Variants in KIAA0753 observed in about 807,000 individuals in gnomAD.
KIAA0753 encodes KIAA0753.
In KIAA0753, 114 loss-of-function variants were observed where a neutral mutation model predicts 116.9. The ratio of observed to expected loss-of-function variants is 0.98; its 90% CI spans 0.84 to 1.14. The LOEUF (loss-of-function observed/expected upper bound fraction) is 1.14, where lower values mean the gene tolerates loss of function less well. Among genes scored for constraint, KIAA0753 ranks in the 50% most tolerant of loss-of-function variants. The pLI, the probability that KIAA0753 is intolerant of heterozygous loss-of-function variation, is 0.00. For missense variants in KIAA0753, 1,156 were observed against 1,172.4 expected, an observed-to-expected ratio of 0.99 and a Z score of 0.20; for synonymous variants, 405 against 413.1, an observed-to-expected ratio of 0.98 and a Z score of 0.24.
chr17:6,591,318 A>G (rs1969049697), intron 16 of KIAA0753, among the ~76,000 whole-genome samples: 1 of 152,238 alleles, frequency 6.6e-6, no homozygotes. Flanking sequence ...GAGCATCTAT[A>G]TGTCAAGCGA....
rs771455309 is a variant in KIAA0753 at position 6,620,787 on chromosome 17, C to T, written c.1315+1G>A. 2 of 1,613,708 alleles carry T rather than the reference C, an allele frequency of 1.2e-6. No individual in the cohort carries two copies. Among genetic ancestry groups the T allele is most frequent in the Non-Finnish European group, 1.7e-6 (2 of 1,179,618 alleles). Reference sequence around the variant, plus strand: ...TACAATAAACACTTTAAGACACATACCGGCAAGAAGCTGCTTTGCTACAGA... The same window carrying T: ...TACAATAAACACTTTAAGACACATATCGGCAAGAAGCTGCTTTGCTACAGA... On this transcript the variant is annotated splice_donor_variant, in intron 7 of 18. Transcript: ENST00000361413. LOFTEE classifies it high-confidence loss of function.
chr17:6,638,274 C>G (rs1041813764), intron 1 of KIAA0753: 1 of 152,758 alleles, frequency 6.5e-6, no homozygotes, highest in East Asian at 1.9e-4. Context: ...CGGGTCCCCC[C>G]GAAGCCACAG....
At chr17:6,630,626 TACTC>T (rs1351349565) in intron 2 of KIAA0753, among the ~76,000 whole-genome samples, 1 of 152,230 alleles carries the variant, frequency 6.6e-6, no homozygotes, top group Non-Finnish European at 1.5e-5. Flanking sequence ...TGTACAGGGT[TACTC>T]ACTGCTATAT....
chr17:6,625,483 A>G (rs1327787421), intron 3 of KIAA0753, among the ~76,000 whole-genome samples: 3 of 151,940 alleles, frequency 2.0e-5, no homozygotes, highest in Non-Finnish European at 4.4e-5. Context: ...CCCGGCCAAC[A>G]TGGCAAAACC....
chr17:6,639,511 G>T lies in KIAA0753; in HGVS notation c.-69+1126C>A, dbSNP rs184768529. 50 of 152,966 alleles carry T rather than the reference G, an allele frequency of 3.3e-4. 2 individuals carry two copies. Among genetic ancestry groups the T allele is most frequent in the Admixed American group, 1.0e-3 (16 of 15,302 alleles). 9.5% of individuals were successfully genotyped at this position (152,966 alleles called of 1,614,324 possible). On this transcript the variant is annotated intron_variant, in intron 1 of 18. Coordinates refer to ENST00000361413, the MANE Select transcript of KIAA0753 (RefSeq NM_014804.3). This position sits in a 1 kb window ranked among gnomAD's most constrained non-coding sequence, Gnocchi z 4.3. ...GGCCATTTCAGAACTTGACGCCAAA[G>T]CCCCAGGCACACTCGCAGGAGGCAC...
rs55849399 is a variant in KIAA0753 at position 6,624,536 on chromosome 17, CCA to C, written c.825+217_825+218del. 0.041 allele frequency among the ~76,000 whole-genome samples: 5,960 copies of C among 143,662 alleles called. 109 individuals are homozygous for C. The highest frequency in any genetic ancestry group is 0.045 in the African/African-American group (1,761 of 39,220). The allele number at this position is 143,662 out of a possible 152,430, so 94.2% of individuals were successfully genotyped here. ...AAGAACCAGTTTAAGGAGTTTGGCGCCACACACACACACACACACACACACAC... is the reference window on the plus strand; with the variant it reads ...AAGAACCAGTTTAAGGAGTTTGGCGCCACACACACACACACACACACACAC... On this transcript the variant is annotated intron_variant, in intron 4 of 18. Transcript: ENST00000361413.
chr17:6,612,109 C>T lies in KIAA0753; in HGVS notation c.1355G>A (p.Arg452Lys), dbSNP rs1297988976. The change falls in exon 8 of 19, where the codon AGG becomes AAG. Residue 452 changes from arginine to lysine, a missense_variant. Coordinates refer to ENST00000361413, the MANE Select transcript of KIAA0753 (RefSeq NM_014804.3). ...TAATACATCAAGCTCACTCTGCAAC[C>T]TCTGGGTCTCCGGAAGCTCCGTATC... ...QPDTELPETQRLQSELDVLDA... is the reference protein window; with the variant it reads ...QPDTELPETQKLQSELDVLDA... The T allele has an allele frequency of 6.2e-7, 1 of 1,614,118 alleles. No homozygotes were observed. Among genetic ancestry groups the T allele is most frequent in the Non-Finnish European group, 8.5e-7 (1 of 1,179,974 alleles).
At chr17:6,596,099 T>C (rs1294414601) in intron 15 of KIAA0753, 59 bp downstream of exon 15, 55 of 1,520,090 alleles carry the variant, frequency 3.6e-5, no homozygotes, top group Non-Finnish European at 4.4e-5. Flanking sequence ...TGAGGAGAAA[T>C]TGCACTCGGC....
rs1968936313 is a variant in KIAA0753, at chr17:6,590,749, G to C, written c.2441-119C>G. Reference sequence around the variant, plus strand: ...ACATGGACATCTCTTAAGCACGACAGGGTTGGCTAGCAGTGCAATGGGAAA... The same window carrying C: ...ACATGGACATCTCTTAAGCACGACACGGTTGGCTAGCAGTGCAATGGGAAA... On this transcript the variant is annotated intron_variant, in intron 16 of 18. Coordinates refer to ENST00000361413, the MANE Select transcript of KIAA0753 (RefSeq NM_014804.3). The C allele has an allele frequency of 1.9e-5, 20 of 1,029,924 alleles. No individual in the cohort carries two copies. In the South Asian group the frequency reaches 2.8e-4, roughly 14 times the overall value. 63.8% of individuals were successfully genotyped at this position (1,029,924 alleles called of 1,614,324 possible). A position where few individuals can be genotyped will look rare whatever the true frequency, so the allele number is the denominator to read the frequency against.
chr17:6,635,206 G>A (rs777757996), intron 1 of KIAA0753, 35 bp from the exon 2 acceptor site: 44 of 812,564 alleles, frequency 5.4e-5, no homozygotes, highest in Admixed American at 5.4e-4. Flanking sequence ...GACCAACAGC[G>A]TTGAACAAGG....
At chr17:6,589,758 G>C in intron 18 of KIAA0753, 21 bp downstream of exon 18, 1 of 1,570,944 alleles carries the variant, frequency 6.4e-7, no homozygotes, top group Non-Finnish European at 8.6e-7. Flanking sequence ...CCTAAACAGA[G>C]GACCGTAACA....
chr17:6,625,054 A>C (rs1311442064), intron 3 of KIAA0753, among the ~76,000 whole-genome samples, 193 bp from the exon 4 acceptor site: 1 of 152,190 alleles, frequency 6.6e-6, no homozygotes, highest in African/African-American at 2.4e-5. Context: ...CTGTGTACTG[A>C]CTGAGAGATG....
At chr17:6,633,181 A>T (rs1374110621) in intron 2 of KIAA0753, among the ~76,000 whole-genome samples, 1 of 152,220 alleles carries the variant, frequency 6.6e-6, no homozygotes, top group Non-Finnish European at 1.5e-5. Flanking sequence ...GTGTGTGTAT[A>T]GAGATAGTGA....
rs1263690634 is a variant in KIAA0753, at chr17:6,607,206, C to T, written c.1894G>A (p.Glu632Lys). The T allele has an allele frequency of 1.2e-6, 2 of 1,614,138 alleles. No individual in the cohort carries two copies. Among genetic ancestry groups the T allele is most frequent in the Admixed American group, 1.7e-5 (1 of 60,018 alleles). The change falls in exon 11 of 19, where the codon GAA (glutamate) becomes AAA (lysine). Residue 632 changes from glutamate to lysine, a missense_variant. Transcript: ENST00000361413. ...LKELEELKAK[E>K]IDSMQKQRLD... ...CTCTGTTTTTGCATGCTGTCAATTT[C>T]CTTGGCTTTTAACTCTTCTAGTTCC...
chr17:6,622,272 A>C (rs1971378021), intron 6 of KIAA0753, among the ~76,000 whole-genome samples: 1 of 152,218 alleles, frequency 6.6e-6, no homozygotes, highest in Admixed American at 6.5e-5. Context: ...ACAGCAGTAA[A>C]ACCCATTGCA....
In KIAA0753 at chr17:6,588,976, C is replaced by T. The variant is rs574316141; in HGVS notation, c.2786+803G>A. Among the ~76,000 whole-genome samples, 250 of 152,272 alleles carry T rather than the reference C, an allele frequency of 1.6e-3. 1 individual carries two copies. Among genetic ancestry groups the T allele is most frequent in the Non-Finnish European group, 2.7e-3 (184 of 68,016 alleles). ...CAAATTTGTCCCCACCAAGAACATG[C>T]CATGGTCATGGCTGTTTCCTGCCCA... On this transcript the variant is annotated intron_variant, in intron 18 of 18. Coordinates refer to ENST00000361413, the MANE Select transcript of KIAA0753 (RefSeq NM_014804.3).
chr17:6,633,650 G>A (rs770628955), intron 2 of KIAA0753, among the ~76,000 whole-genome samples: 4 of 152,072 alleles, frequency 2.6e-5, no homozygotes, highest in Admixed American at 2.0e-4. Flanking sequence ...TCCATTAATT[G>A]GAGAACGGAT....
At chr17:6,615,792 G>A (rs1970883399) in intron 7 of KIAA0753, among the ~76,000 whole-genome samples, 1 of 152,164 alleles carries the variant, frequency 6.6e-6, no homozygotes, top group Admixed American at 6.5e-5. Flanking sequence ...GTGGTGGGAA[G>A]GGAGCCACCA....
intron 16 of KIAA0753, among the ~76,000 whole-genome samples, chr17:6,594,277 ACCC>A (rs34010703): frequency 8.4e-5 from 12 of 142,030 alleles, no homozygotes; most frequent in East Asian, 8.1e-4. Context: ...TCAGATTCTG[ACCC>A]CCCCCCCCAG....
Sources: allele counts gnomAD v4.1 joint callset (sites outside exome capture counted in the v4.1 genomes callset), GRCh38; gene constraint gnomAD v4.1.1; non-coding constraint Gnocchi (gnomAD v3.1); transcripts MANE v1.5; gene names NCBI Gene and HGNC (gene_info 2026-07-23, HGNC 2026-07-21).